Variants in METTL25 observed in about 807,000 individuals in gnomAD.
METTL25 encodes the protein methyltransferase like 25.
In METTL25, 64 loss-of-function variants were observed where a neutral mutation model predicts 71.6. The observed-to-expected ratio is 0.89, with a 90% CI of 0.73 to 1.10. The LOEUF (loss-of-function observed/expected upper bound fraction) is 1.10, where lower values mean the gene tolerates loss of function less well. Ranked by LOEUF, METTL25 falls within the 50% of genes least tolerant of loss-of-function variation. METTL25 has a pLI of 0.00. For missense variants in METTL25, 807 were observed against 707.0 expected, an observed-to-expected ratio of 1.14 and a Z score of -1.60; for synonymous variants, 287 against 250.3, an observed-to-expected ratio of 1.15 and a Z score of -1.38.
Position 82,477,334 on chromosome 12 carries a change from T to C in METTL25, c.1701T>C (p.Leu567=). 1 of 1,560,950 alleles carries C rather than the reference T, an allele frequency of 6.4e-7. No homozygotes were observed. The highest frequency in any genetic ancestry group is 1.4e-5 in the African/African-American group (1 of 73,096). ...AGACTTTGATTCTTCTGGATCGACTTTGTTACCTGAAAGAGCAGGTAAATT... is the reference window on the plus strand; with the variant it reads ...AGACTTTGATTCTTCTGGATCGACTCTGTTACCTGAAAGAGCAGGTAAATT... ...CIETLILLDR[L]CYLKEQEDIA... Residue 567 remains leucine, a synonymous_variant, in exon 11 of 12, where the codon CTT becomes CTC. Transcript: ENST00000248306.
At chr12:82,411,714 G>T (rs1316294460) in intron 5 of METTL25, among the ~76,000 whole-genome samples, 1 of 151,954 alleles carries the variant, frequency 6.6e-6, no homozygotes, top group Non-Finnish European at 1.5e-5. Flanking sequence ...AGAAACAGAA[G>T]AAGGTTAGAG....
chr12:82,379,379 A>T (rs1884202823), intron 1 of METTL25, among the ~76,000 whole-genome samples: 1 of 152,208 alleles, frequency 6.6e-6, no homozygotes, highest in Non-Finnish European at 1.5e-5. Context: ...TGAAATTTGT[A>T]TTTTGCTAAC....
intron 1 of METTL25, among the ~76,000 whole-genome samples, chr12:82,372,699 G>A (rs1328586617): frequency 1.3e-5 from 2 of 152,166 alleles, no homozygotes; most frequent in Non-Finnish European, 1.5e-5. Flanking sequence ...ATTGGTCCCA[G>A]TGGCTTAGGA....
At chr12:82,424,303 G>T (rs1010914305) in intron 5 of METTL25, among the ~76,000 whole-genome samples, 22 of 151,922 alleles carry the variant, frequency 1.4e-4, no homozygotes, top group South Asian at 4.2e-4. Context: ...ACCAAACACC[G>T]CATGTTCTCA....
At chr12:82,414,025 T>C (rs1887765933) in intron 5 of METTL25, among the ~76,000 whole-genome samples, 1 of 151,772 alleles carries the variant, frequency 6.6e-6, no homozygotes, top group Non-Finnish European at 1.5e-5. Flanking sequence ...TTAATATTAA[T>C]AGTGTATTAG....
chr12:82,408,531 G>A (rs1887283468), intron 5 of METTL25, among the ~76,000 whole-genome samples: 1 of 151,408 alleles, frequency 6.6e-6, no homozygotes, highest in Non-Finnish European at 1.5e-5. Flanking sequence ...AGTATGTTTG[G>A]GATAATTATT....
intron 1 of METTL25, among the ~76,000 whole-genome samples, chr12:82,361,624 G>T (rs1282544491): frequency 1.3e-5 from 2 of 152,202 alleles, no homozygotes; most frequent in Admixed American, 6.5e-5. Flanking sequence ...CGGCACTGCT[G>T]GGGGACTTGG....
intron 5 of METTL25, among the ~76,000 whole-genome samples, chr12:82,423,304 T>C (rs1325046890): frequency 6.6e-6 from 1 of 152,206 alleles, no homozygotes. Flanking sequence ...GCAATCCCTG[T>C]TTAATAAATG....
chr12:82,361,206 A>G (rs1453498267), intron 1 of METTL25, among the ~76,000 whole-genome samples: 2 of 152,150 alleles, frequency 1.3e-5, no homozygotes, highest in African/African-American at 4.8e-5. Context: ...CCTAGTCCCC[A>G]CTAGATCAGC....
At chr12:82,432,779 A>G (rs901611372) in intron 6 of METTL25, among the ~76,000 whole-genome samples, 3 of 151,104 alleles carry the variant, frequency 2.0e-5, no homozygotes, top group Non-Finnish European at 3.0e-5. Context: ...CTAAGGAACA[A>G]TTCTTTTAAT....
At chr12:82,475,367 G>A (rs1056734375) in intron 9 of METTL25, among the ~76,000 whole-genome samples, 1 of 152,088 alleles carries the variant, frequency 6.6e-6, no homozygotes, top group African/African-American at 2.4e-5. Context: ...AAAAGGATGG[G>A]GAGTGTGTAA....
At chr12:82,445,762 A>G (rs949422589) in intron 8 of METTL25, among the ~76,000 whole-genome samples, 2 of 152,224 alleles carry the variant, frequency 1.3e-5, no homozygotes, top group African/African-American at 2.4e-5. Context: ...GTGGTTGCCC[A>G]CCATTTCAAG....
intron 3 of METTL25, among the ~76,000 whole-genome samples, chr12:82,393,225 C>T (rs1885760952): frequency 6.6e-6 from 1 of 151,844 alleles, no homozygotes. Context: ...GGGTAATATG[C>T]ACATTTTAAC....
At chr12:82,379,258 T>G (rs1884191224) in intron 1 of METTL25, among the ~76,000 whole-genome samples, 1 of 152,114 alleles carries the variant, frequency 6.6e-6, no homozygotes, top group African/African-American at 2.4e-5. Context: ...ATGATGTATC[T>G]TTGGTCAGAA....
chr12:82,383,707 A>G (rs1054373707), intron 1 of METTL25, among the ~76,000 whole-genome samples: 1 of 152,138 alleles, frequency 6.6e-6, no homozygotes. Flanking sequence ...TTTATTTACT[A>G]ATTATAAATA....
At chr12:82,365,303 T>G (rs557870578) in intron 1 of METTL25, among the ~76,000 whole-genome samples, 1 of 152,308 alleles carries the variant, frequency 6.6e-6, no homozygotes, top group South Asian at 2.1e-4. Flanking sequence ...TTTCCCTATG[T>G]GGAAATATAG....
At chr12:82,441,018 T>G (rs1219517680) in intron 8 of METTL25, among the ~76,000 whole-genome samples, 1 of 151,996 alleles carries the variant, frequency 6.6e-6, no homozygotes, top group African/African-American at 2.4e-5. Flanking sequence ...AGAAAGACAG[T>G]TCTAGTGAAA....
At chr12:82,390,498 T>C (rs1885472618) in intron 3 of METTL25, among the ~76,000 whole-genome samples, 1 of 152,122 alleles carries the variant, frequency 6.6e-6, no homozygotes, top group Non-Finnish European at 1.5e-5. Context: ...TAGTAAGTTA[T>C]TTTTCTTATT....
intron 2 of METTL25, among the ~76,000 whole-genome samples, chr12:82,388,616 A>G (rs951458263): frequency 6.6e-6 from 1 of 152,052 alleles, no homozygotes; most frequent in Non-Finnish European, 1.5e-5. Context: ...CATCAAAGTG[A>G]GTAAAGATGT....
Sources: gnomAD v4.1 joint callset for allele counts (sites outside exome capture counted in the v4.1 genomes callset) on GRCh38, gnomAD v4.1.1 for gene constraint, MANE v1.5 for transcripts, NCBI Gene and HGNC (gene_info 2026-07-23, HGNC 2026-07-21) for gene names.